DCAF5: variants seen among roughly 807,000 people sequenced by gnomAD.
DCAF5 encodes DDB1- and CUL4-associated factor 5.
A neutral mutation model predicts 80.7 loss-of-function variants in DCAF5; 9 were observed. The observed-to-expected ratio is 0.11, with a 90% CI of 0.07 to 0.19. The LOEUF is 0.19. DCAF5 is among the 10% of genes least tolerant of loss of function. The probability of loss-of-function intolerance (pLI) is 1.00; values close to 1 mark genes in which losing one functional copy is unlikely to be tolerated. For synonymous variants in DCAF5, 433 were observed against 461.9 expected (o/e 0.94, Z 0.80); for missense variants, 842 against 1,205.7 (o/e 0.70, Z 4.47).
Position 69,118,276 on chromosome 14 carries a change from C to T in DCAF5, c.398G>A (p.Ser133Asn). 6.2e-7 allele frequency: 1 copy of T among 1,613,658 alleles called. No homozygotes were observed. ...EQVILHDVES[S>N]ETLDVFAHED... Reference sequence around the variant, plus strand: ...ATGAGCAAACACGTCCAATGTCTCACTGCTGGGAGATAAGAGAGCAAGACA... The same window carrying T: ...ATGAGCAAACACGTCCAATGTCTCATTGCTGGGAGATAAGAGAGCAAGACA... The change falls in exon 4 of 9, where the codon AGT (serine) becomes AAT (asparagine). Residue 133 changes from serine to asparagine, a missense_variant and splice_region_variant. Transcript: ENST00000341516. The surrounding 1 kb of genome is among the most constrained non-coding windows in gnomAD (Gnocchi z 4.0).
chr14:69,089,435 G>A (rs1024915242), intron 6 of DCAF5: 13 of 152,002 alleles, frequency 8.6e-5, no homozygotes, highest in African/African-American at 3.1e-4. Context: ...TTCTTTCAAG[G>A]AAAACCACTT....
intron 1 of DCAF5, among the ~76,000 whole-genome samples, chr14:69,134,686 T>C (rs1408794304): frequency 6.6e-6 from 1 of 152,230 alleles, no homozygotes; most frequent in Non-Finnish European, 1.5e-5. Flanking sequence ...AACATTAAAA[T>C]ATTCAGACTC....
intron 7 of DCAF5, among the ~76,000 whole-genome samples, chr14:69,074,384 C>G (rs1369012866): frequency 6.6e-6 from 1 of 151,300 alleles, no homozygotes; most frequent in Non-Finnish European, 1.5e-5. Context: ...GATTAAGAAA[C>G]AAACCATCCT....
chr14:69,086,525 T>A (rs2039327298), intron 6 of DCAF5, among the ~76,000 whole-genome samples: 1 of 152,074 alleles, frequency 6.6e-6, no homozygotes, highest in African/African-American at 2.4e-5. Flanking sequence ...ACGGTTGAAT[T>A]TCCCCCATTA....
At chr14:69,116,052 T>C (rs2040535504) in intron 5 of DCAF5, among the ~76,000 whole-genome samples, 1 of 150,894 alleles carries the variant, frequency 6.6e-6, no homozygotes, top group Non-Finnish European at 1.5e-5. Context: ...CTCCTATGCA[T>C]CTGGGGAACC....
At position 69,055,626 on chromosome 14, in the gene DCAF5, A is replaced by G; in HGVS notation, c.1075-15T>C. ...GGGCTCCAGATCTGAACAGAAAATG[A>G]AAAACAAAAGCAACAAGGAGTAACT... On this transcript the variant is annotated splice_polypyrimidine_tract_variant and intron_variant, in intron 8 of 8. Transcript: ENST00000341516. The surrounding 1 kb of genome is among the most constrained non-coding windows in gnomAD (Gnocchi z 5.6). 2 of 1,579,194 alleles carry G rather than the reference A, an allele frequency of 1.3e-6. No homozygotes were observed. Among genetic ancestry groups the G allele is most frequent in the Non-Finnish European group, 1.7e-6 (2 of 1,156,784 alleles).
intron 1 of DCAF5, among the ~76,000 whole-genome samples, chr14:69,130,882 C>G (rs971159125): frequency 6.6e-6 from 1 of 152,148 alleles, no homozygotes; most frequent in African/African-American, 2.4e-5. Context: ...TTTCGCCATT[C>G]ATGTGTCCTG....
intron 6 of DCAF5, among the ~76,000 whole-genome samples, chr14:69,087,746 G>A (rs1373416442): frequency 6.6e-6 from 1 of 152,140 alleles, no homozygotes; most frequent in East Asian, 1.9e-4. Flanking sequence ...TAAATGCTCA[G>A]TAAATATATG....
intron 5 of DCAF5, among the ~76,000 whole-genome samples, chr14:69,099,804 G>A (rs1386299613): frequency 2.6e-5 from 4 of 151,886 alleles, no homozygotes; most frequent in South Asian, 2.1e-4. Context: ...AAAATTAGCC[G>A]AGCATAGTGG....
chr14:69,128,728 A>C (rs1958982952), intron 1 of DCAF5, among the ~76,000 whole-genome samples: 1 of 152,150 alleles, frequency 6.6e-6, no homozygotes, highest in Non-Finnish European at 1.5e-5. Flanking sequence ...AGATCGTGCC[A>C]CAGCACTCCA....
chr14:69,083,059 C>T (rs1284559959), intron 6 of DCAF5, among the ~76,000 whole-genome samples: 1 of 152,168 alleles, frequency 6.6e-6, no homozygotes, highest in Non-Finnish European at 1.5e-5. Context: ...CCAGACCATA[C>T]CTAGCAGGCC....
In DCAF5 at chr14:69,054,080, CG is replaced by C; in HGVS notation, c.2605del (p.Arg869ValfsTer6). ...TGTCCCTGTCAGGGACGAGTTATCA[CG>C]GTCAGTGTCTGAGTGTCCTGGGGAA... ...YSSPGHSDTDRDNSSLTGTLL... is the reference protein window; with the variant it reads ...YSSPGHSDTDXDNSSLTGTLL... On this transcript the variant is annotated frameshift_variant, in exon 9 of 9. Coordinates refer to ENST00000341516, the MANE Select transcript of DCAF5 (RefSeq NM_003861.3). LOFTEE classifies it high-confidence loss of function. The C allele has an allele frequency of 1.2e-6, 2 of 1,614,232 alleles. No homozygotes were observed. Among genetic ancestry groups the C allele is most frequent in the Non-Finnish European group, 1.7e-6 (2 of 1,180,036 alleles).
intron 6 of DCAF5, chr14:69,091,197 TCAAA>T (rs1292565589): frequency 1.4e-6 from 1 of 705,926 alleles, no homozygotes; most frequent in Non-Finnish European, 2.6e-6. Context: ...TGGCTCCCTC[TCAAA>T]CAAAGCTGCT....
chr14:69,124,987 TTCA>T (rs2040832022), intron 1 of DCAF5, among the ~76,000 whole-genome samples: 1 of 152,162 alleles, frequency 6.6e-6, no homozygotes, highest in South Asian at 2.1e-4. Context: ...CTGCCTCAGT[TTCA>T]TCAAACATAA....
intron 7 of DCAF5, among the ~76,000 whole-genome samples, chr14:69,064,462 G>GTCAT (rs1452780207): frequency 4.6e-5 from 7 of 152,178 alleles, no homozygotes; most frequent in African/African-American, 1.7e-4. Flanking sequence ...CTTATCCCAA[G>GTCAT]TCATAAAGCT....
chr14:69,054,194 T>C lies in DCAF5; in HGVS notation c.2492A>G (p.Asn831Ser), dbSNP rs1482605832. The stretch of plus-strand genomic sequence containing the variant: ...AGGGTGTAAGCGTCCATTGTTGTGG[T>C]TGGCACAGATGGTTTCGAGGCTCCT... ...EERSLETICA[N>S]HNNGRLHPRP... Residue 831 changes from asparagine to serine, a missense_variant, in exon 9 of 9, where the codon AAC becomes AGC. Coordinates refer to ENST00000341516, the MANE Select transcript of DCAF5 (RefSeq NM_003861.3). 1.2e-6 allele frequency: 2 copies of C among 1,614,238 alleles called. No homozygotes were observed. The highest frequency in any genetic ancestry group is 1.7e-5 in the Admixed American group (1 of 60,032).
intron 1 of DCAF5, among the ~76,000 whole-genome samples, chr14:69,127,621 G>GT (rs1429667653): frequency 6.6e-6 from 1 of 152,094 alleles, no homozygotes; most frequent in Non-Finnish European, 1.5e-5. Context: ...GAACTCTAAG[G>GT]TTCATTTTTT....
intron 6 of DCAF5, among the ~76,000 whole-genome samples, chr14:69,075,935 G>A (rs867758207): frequency 7.2e-5 from 11 of 151,842 alleles, no homozygotes; most frequent in Non-Finnish European, 1.3e-4. Flanking sequence ...ACTCAGCAAC[G>A]ACAACAAAAA....
In DCAF5 at chr14:69,097,211, G is replaced by A. The variant is rs189124187; in HGVS notation, c.666-5324C>T. ...AAAAAGAACTCTTATGCAAACAATT[G>A]AAAACAAGAGAAGAGAGAAAGGTCA... On this transcript the variant is annotated intron_variant, in intron 5 of 8. Transcript: ENST00000341516. 6.9e-3 allele frequency among the ~76,000 whole-genome samples: 1,044 copies of A among 152,244 alleles called. 17 individuals carry two copies. Among genetic ancestry groups the A allele is most frequent in the African/African-American group, 0.024 (989 of 41,558 alleles).
Sources: gnomAD v4.1 joint callset for allele counts (sites outside exome capture counted in the v4.1 genomes callset) on GRCh38, gnomAD v4.1.1 for gene constraint, Gnocchi (gnomAD v3.1) non-coding constraint, MANE v1.5 for transcripts, NCBI Gene and HGNC (gene_info 2026-07-23, HGNC 2026-07-21) for gene names.